Variants in AUTS2 observed in about 807,000 individuals in gnomAD.
AUTS2 encodes the protein activator of transcription and developmental regulator AUTS2.
In AUTS2, 17 loss-of-function variants were observed where a neutral mutation model predicts 112.4. That is an observed-to-expected ratio of 0.15 (90% CI 0.10 to 0.23). The LOEUF is 0.23. Among genes scored for constraint, AUTS2 ranks in the 10% least tolerant of loss-of-function variants. The probability of loss-of-function intolerance (pLI) is 1.00; values close to 1 mark genes in which losing one functional copy is unlikely to be tolerated. For missense variants in AUTS2, 1,510 were observed against 1,701.6 expected (o/e 0.89, Z 1.98); for synonymous variants, 751 against 702.7 (o/e 1.07, Z -1.09).
intron 4 of AUTS2, among the ~76,000 whole-genome samples, chr7:70,311,128 G>C (rs1017209136): frequency 4.6e-5 from 7 of 152,184 alleles, no homozygotes; most frequent in African/African-American, 1.7e-4. Context: ...AAAACAGGTT[G>C]ATGGCTTAGT....
intron 5 of AUTS2, among the ~76,000 whole-genome samples, chr7:70,536,603 A>G (rs913246350): frequency 2.2e-5 from 2 of 91,414 alleles, no homozygotes; most frequent in African/African-American, 8.9e-5. Context: ...TTTTTTCAGT[A>G]GAAGAATCAA....
intron 5 of AUTS2, among the ~76,000 whole-genome samples, chr7:70,651,658 C>T (rs1424564878): frequency 6.6e-6 from 1 of 152,094 alleles, no homozygotes; most frequent in African/African-American, 2.4e-5. Context: ...ACCTGAAGTG[C>T]AGTTTCTACT....
intron 5 of AUTS2, among the ~76,000 whole-genome samples, chr7:70,610,784 T>A (rs1804053478): frequency 6.6e-6 from 1 of 152,170 alleles, no homozygotes; most frequent in African/African-American, 2.4e-5. Flanking sequence ...CATTTGTAGT[T>A]CTTCTTTTGA....
intron 5 of AUTS2, among the ~76,000 whole-genome samples, chr7:70,645,543 G>GT (rs963685840): frequency 6.6e-6 from 1 of 152,078 alleles, no homozygotes; most frequent in Non-Finnish European, 1.5e-5. Context: ...GCTAAGTGTG[G>GT]TTTTTTCCCA....
intron 1 of AUTS2, among the ~76,000 whole-genome samples, chr7:69,827,493 C>T (rs1038960094): frequency 6.6e-6 from 1 of 152,032 alleles, no homozygotes; most frequent in African/African-American, 2.4e-5. Context: ...AAGATGGCTG[C>T]AGTATATTCT....
chr7:69,719,529 C>T (rs1366197527), intron 1 of AUTS2, among the ~76,000 whole-genome samples: 3 of 152,122 alleles, frequency 2.0e-5, no homozygotes, highest in Non-Finnish European at 4.4e-5. Context: ...ATTTAATTAG[C>T]AGGAAACCTG....
intron 4 of AUTS2, among the ~76,000 whole-genome samples, chr7:70,157,597 G>T (rs2129576970): frequency 6.6e-6 from 1 of 152,284 alleles, no homozygotes; most frequent in Non-Finnish European, 1.5e-5. Flanking sequence ...TAGGAGGCAT[G>T]AGCCACCACA....
At chr7:70,241,298 T>C (rs1812600884) in intron 4 of AUTS2, among the ~76,000 whole-genome samples, 1 of 152,220 alleles carries the variant, frequency 6.6e-6, no homozygotes, top group Admixed American at 6.5e-5. Flanking sequence ...CAAATCGTTT[T>C]GATTTTCTTT....
At position 69,840,292 on chromosome 7, in the gene AUTS2, G is replaced by C. The variant is rs189471022; in HGVS notation, c.310-58994G>C. Among the ~76,000 whole-genome samples the C allele has an allele frequency of 1.2e-4, 19 of 152,278 alleles. No individual in the cohort carries two copies. In the East Asian group the frequency reaches 2.3e-3, roughly 19 times the overall value. ...TGTTAGTGTCTGTTGCTTTTGTTCA[G>C]ATTAAGCTCTGAAACAAAATTAAGA... On this transcript the variant is annotated intron_variant, in intron 1 of 18. Coordinates refer to ENST00000342771, the MANE Select transcript of AUTS2 (RefSeq NM_015570.4).
At chr7:69,998,751 G>T in intron 2 of AUTS2, among the ~76,000 whole-genome samples, 1 of 152,274 alleles carries the variant, frequency 6.6e-6, no homozygotes, top group East Asian at 1.9e-4. Context: ...AAAGTATTTT[G>T]GAAGGTGAGG....
chr7:70,322,309 A>G (rs1227013176), intron 4 of AUTS2, among the ~76,000 whole-genome samples: 2 of 152,238 alleles, frequency 1.3e-5, no homozygotes, highest in Non-Finnish European at 2.9e-5. Context: ...TACATTGTCC[A>G]AAAATGGGAA....
intron 4 of AUTS2, among the ~76,000 whole-genome samples, chr7:70,161,576 A>G (rs1562751209): frequency 6.7e-6 from 1 of 149,348 alleles, no homozygotes; most frequent in Admixed American, 6.8e-5. Context: ...ACACTTGGCA[A>G]CTAGATCGGT....
chr7:70,000,333 T>C (rs143122909), intron 2 of AUTS2, among the ~76,000 whole-genome samples: 1 of 152,276 alleles, frequency 6.6e-6, no homozygotes, highest in Non-Finnish European at 1.5e-5. Context: ...TCACAGGGCC[T>C]CAAATTGTAC....
In AUTS2 at chr7:70,766,143, A is replaced by G; in HGVS notation, c.1498A>G (p.Thr500Ala). 1 of 1,613,704 alleles carries G rather than the reference A, an allele frequency of 6.2e-7. No individual in the cohort carries two copies. Among genetic ancestry groups the G allele is most frequent in the Non-Finnish European group, 8.5e-7 (1 of 1,179,896 alleles). ...EQDILRQELN[T>A]RFLASQSADR... ...AGACATCTTGCGACAGGAACTGAAC[A>G]CTCGTTTTTTGGCCTCTCAGAGTGC... The change falls in exon 9 of 19, where the codon ACT becomes GCT. Residue 500 changes from threonine to alanine, a missense_variant. This residue lies in a region of AUTS2 where 187 missense variants were observed against 309.7 expected (regional missense o/e 0.60). Coordinates refer to ENST00000342771, the MANE Select transcript of AUTS2 (RefSeq NM_015570.4). The surrounding 1 kb of genome is among the most constrained non-coding windows in gnomAD (Gnocchi z 4.8).
intron 5 of AUTS2, among the ~76,000 whole-genome samples, chr7:70,695,217 T>G (rs1809013969): frequency 6.6e-6 from 1 of 152,116 alleles, no homozygotes; most frequent in Non-Finnish European, 1.5e-5. Context: ...TCCTCCCTTC[T>G]TTCCTCCCCC....
At chr7:70,781,477 G>A (rs776225723) in intron 14 of AUTS2, 138 bp from the exon 15 acceptor site, 4 of 1,029,250 alleles carry the variant, frequency 3.9e-6, no homozygotes, top group South Asian at 1.8e-5. Context: ...AATGGTTTTT[G>A]TGTAGCTGCT....
chr7:70,504,315 C>T (rs567193715), intron 5 of AUTS2, among the ~76,000 whole-genome samples: 41 of 151,948 alleles, frequency 2.7e-4, no homozygotes, highest in African/African-American at 9.4e-4. Flanking sequence ...GGGCAGCCAC[C>T]GTGACCCCAT....
intron 2 of AUTS2, among the ~76,000 whole-genome samples, chr7:69,969,712 G>A (rs959673680): frequency 2.0e-5 from 3 of 152,008 alleles, no homozygotes; most frequent in Non-Finnish European, 4.4e-5. Context: ...TCTTACAAAG[G>A]CTTTTTGATT....
chr7:70,031,801 G>A (rs1455230309), intron 2 of AUTS2, among the ~76,000 whole-genome samples: 1 of 152,092 alleles, frequency 6.6e-6, no homozygotes, highest in Non-Finnish European at 1.5e-5. Context: ...CACCTACTAT[G>A]CACTCTATGT....
Sources: gnomAD v4.1 joint callset for allele counts (sites outside exome capture counted in the v4.1 genomes callset) on GRCh38, gnomAD v4.1.1 for gene constraint, gnomAD v4.1.1 regional missense constraint, Gnocchi (gnomAD v3.1) non-coding constraint, MANE v1.5 for transcripts, NCBI Gene and HGNC (gene_info 2026-07-23, HGNC 2026-07-21) for gene names.